Variants in LGSN observed in about 807,000 individuals in gnomAD.
The protein encoded by LGSN is lengsin.
LGSN carries 21 observed loss-of-function variants against 19.5 expected under a neutral mutation model. The ratio of observed to expected loss-of-function variants is 1.07; its 90% CI spans 0.76 to 1.55. The LOEUF is 1.55. Ranked by LOEUF, LGSN falls within the 40% of genes most tolerant of loss-of-function variation. The pLI is 0.00. For missense variants in LGSN, 673 were observed against 608.5 expected (o/e 1.11, Z -1.12); for synonymous variants, 257 against 215.6 (o/e 1.19, Z -1.68).
the LGSN span, among the ~76,000 whole-genome samples, chr6:63,533,831 T>TG: frequency 8.1e-6 from 1 of 124,174 alleles, no homozygotes; most frequent in African/African-American, 3.3e-5. Flanking sequence ...GAACAAACTT[T>TG]TTTAATTAAT....
At chr6:63,331,719 C>T in the LGSN span, among the ~76,000 whole-genome samples, 3 of 152,144 alleles carry the variant, frequency 2.0e-5, no homozygotes, top group Non-Finnish European at 4.4e-5. Flanking sequence ...GCAGCAGAAA[C>T]ATTAGTTTTC....
the LGSN span, among the ~76,000 whole-genome samples, chr6:63,532,360 A>G: frequency 6.6e-6 from 1 of 152,018 alleles, no homozygotes; most frequent in Non-Finnish European, 1.5e-5. Flanking sequence ...TAGCTTCTGG[A>G]TTCATACCTC....
intron 1 of LGSN, among the ~76,000 whole-genome samples, chr6:63,298,465 T>C (rs148480868): frequency 1.5e-4 from 23 of 152,280 alleles, no homozygotes; most frequent in African/African-American, 5.5e-4. Flanking sequence ...AGGTGTGAAC[T>C]CTGGCTTTCA....
the LGSN span, among the ~76,000 whole-genome samples, chr6:63,530,525 C>G: frequency 6.6e-6 from 1 of 152,214 alleles, no homozygotes; most frequent in South Asian, 2.1e-4. Context: ...CTGCACAACT[C>G]CAGTGGACGC....
rs374272162 is a variant in LGSN at position 63,288,148 on chromosome 6, G to T, written c.164-2395C>A. ...CAGGAGAATCTCTTGAGCCTGGGAGGTGGAAGTTGCAGCTCCACCAAGGAG... is the reference window on the plus strand; with the variant it reads ...CAGGAGAATCTCTTGAGCCTGGGAGTTGGAAGTTGCAGCTCCACCAAGGAG... On this transcript the variant is annotated intron_variant, in intron 2 of 3. Transcript: ENST00000370657. 1.4e-4 allele frequency among the ~76,000 whole-genome samples: 22 copies of T among 151,914 alleles called. No individual in the cohort carries two copies. The East Asian group carries it at 4.1e-3, about 28-fold the overall frequency.
the LGSN span, among the ~76,000 whole-genome samples, chr6:63,501,647 T>A: frequency 0.54 from 81,413 of 151,930 alleles, 23,634 homozygotes; most frequent in African/African-American, 0.77. Flanking sequence ...TATTTGCAGC[T>A]AAAAGCACTC....
At chr6:63,379,167 G>C in the LGSN span, among the ~76,000 whole-genome samples, 3 of 152,000 alleles carry the variant, frequency 2.0e-5, no homozygotes, top group African/African-American at 7.3e-5. Flanking sequence ...GAGTGCCTCA[G>C]AGAGTAAATG....
the LGSN span, among the ~76,000 whole-genome samples, chr6:63,335,559 C>A: frequency 6.6e-6 from 1 of 152,146 alleles, no homozygotes. Context: ...AAAAAATGCT[C>A]AACATCTCTA....
the LGSN span, among the ~76,000 whole-genome samples, chr6:63,495,460 T>C: frequency 1.1e-5 from 1 of 92,124 alleles, no homozygotes; most frequent in African/African-American, 7.1e-5. Flanking sequence ...CTTTTTCTTT[T>C]TTTTTTTTTT....
At chr6:63,521,465 G>A in the LGSN span, among the ~76,000 whole-genome samples, 2 of 152,236 alleles carry the variant, frequency 1.3e-5, no homozygotes, top group East Asian at 3.9e-4. Flanking sequence ...CACCAAAGGA[G>A]CTAATTACAT....
chr6:63,360,117 T>C, the LGSN span, among the ~76,000 whole-genome samples: 1 of 152,218 alleles, frequency 6.6e-6, no homozygotes, highest in Non-Finnish European at 1.5e-5. Flanking sequence ...ATTTCAACTT[T>C]GGTGAATCTG....
the LGSN span, chr6:63,440,690 T>G: frequency 6.6e-6 from 1 of 152,190 alleles, no homozygotes; most frequent in Non-Finnish European, 1.5e-5. Context: ...CCCGCTGAAC[T>G]GACCAGCGGC....
chr6:63,358,518 T>C, the LGSN span, among the ~76,000 whole-genome samples: 1 of 152,152 alleles, frequency 6.6e-6, no homozygotes, highest in Non-Finnish European at 1.5e-5. Flanking sequence ...TGAGCAGTGG[T>C]TTGTAGTTCT....
chr6:63,355,150 G>A, the LGSN span, among the ~76,000 whole-genome samples: 5 of 152,202 alleles, frequency 3.3e-5, no homozygotes, highest in Admixed American at 1.3e-4. Flanking sequence ...AAATGGAAAA[G>A]GTGATGTGTA....
chr6:63,482,942 C>T, the LGSN span, among the ~76,000 whole-genome samples: 2 of 152,168 alleles, frequency 1.3e-5, no homozygotes, highest in Non-Finnish European at 2.9e-5. Flanking sequence ...CTCAAGTGAT[C>T]TGCCCACGTT....
intron 1 of LGSN, among the ~76,000 whole-genome samples, chr6:63,317,825 T>C (rs896679276): frequency 6.6e-6 from 1 of 152,196 alleles, no homozygotes; most frequent in African/African-American, 2.4e-5. Context: ...TTCTGTGATA[T>C]GGAAACGTCA....
chr6:63,505,617 G>GAAATAAATAAATAAAT, the LGSN span, among the ~76,000 whole-genome samples: 2 of 103,302 alleles, frequency 1.9e-5, no homozygotes, highest in South Asian at 3.3e-4. Flanking sequence ...AAGAAAGAAA[G>GAAATAAATAAATAAAT]AAAGAAAGAA....
At chr6:63,451,815 A>G in the LGSN span, among the ~76,000 whole-genome samples, 415 of 152,284 alleles carry the variant, frequency 2.7e-3, 1 homozygote, top group Middle Eastern at 0.02. Context: ...TTATGCATCA[A>G]TTGAGATGGT....
chr6:63,474,302 T>C, the LGSN span, among the ~76,000 whole-genome samples: 1 of 152,204 alleles, frequency 6.6e-6, no homozygotes, highest in Non-Finnish European at 1.5e-5. Flanking sequence ...TTTGCATTCA[T>C]GTTTGTGTAG....
Sources: gnomAD v4.1 joint callset for allele counts (sites outside exome capture counted in the v4.1 genomes callset) on GRCh38, gnomAD v4.1.1 for gene constraint, MANE v1.5 for transcripts, NCBI Gene and HGNC (gene_info 2026-07-23, HGNC 2026-07-21) for gene names.